The following PPP1R3B variants were observed in gnomAD, a reference collection of about 807,000 sequenced individuals.
The protein encoded by PPP1R3B is PP1 subunit R4.
A neutral mutation model predicts 14.6 loss-of-function variants in PPP1R3B; 8 were observed. The observed-to-expected ratio is 0.55, with a 90% CI of 0.32 to 0.99. The LOEUF (loss-of-function observed/expected upper bound fraction) is 0.99. Among genes scored for constraint, PPP1R3B ranks in the 50% least tolerant of loss-of-function variants. The probability of loss-of-function intolerance (pLI) is 0.04; values close to 1 mark genes in which losing one functional copy is unlikely to be tolerated. For missense variants in PPP1R3B, 452 were observed against 360.1 expected (o/e 1.26, Z -2.07); for synonymous variants, 169 against 142.0 (o/e 1.19, Z -1.35).
Position 9,138,276 on chromosome 8 carries a change from G to A in PPP1R3B, c.*2518C>T, listed in dbSNP as rs913906190. 1.3e-5 allele frequency: 2 copies of A among 152,272 alleles called. No homozygotes were observed. Among genetic ancestry groups the A allele is most frequent in the Non-Finnish European group, 2.9e-5 (2 of 68,020 alleles). The allele number at this position is 152,272 out of a possible 1,614,324, so 9.4% of individuals were successfully genotyped here. A position where few individuals can be genotyped will look rare whatever the true frequency, so the allele number is the denominator to read the frequency against. On this transcript the variant is annotated 3_prime_UTR_variant, in exon 2 of 2. Coordinates refer to ENST00000310455, the MANE Select transcript of PPP1R3B (RefSeq NM_024607.4). ...GATGTCTGGTATGTTTACATAAAACGTGGTTCTGCCCAGTAACAGCATAAG... is the reference window on the plus strand; with the variant it reads ...GATGTCTGGTATGTTTACATAAAACATGGTTCTGCCCAGTAACAGCATAAG...
At chr8:9,147,239 G>T (rs534525495) in intron 1 of PPP1R3B, among the ~76,000 whole-genome samples, 3 of 152,240 alleles carry the variant, frequency 2.0e-5, no homozygotes, top group Admixed American at 2.0e-4. Context: ...CTGACCTCAT[G>T]ATCTGCTCCC....
intron 1 of PPP1R3B, among the ~76,000 whole-genome samples, chr8:9,149,236 C>T (rs1243963845): frequency 1.0e-4 from 15 of 145,678 alleles, no homozygotes; most frequent in African/African-American, 3.6e-4. Context: ...CGTGGTGGCT[C>T]ACGCCTGTAA....
chr8:9,138,251 G>A lies in PPP1R3B; in HGVS notation c.*2543C>T, dbSNP rs2117590047. 1 of 152,272 alleles carries A rather than the reference G, an allele frequency of 6.6e-6. No homozygotes were observed. The highest frequency in any genetic ancestry group is 1.9e-4 in the East Asian group (1 of 5,180). 9.4% of individuals were successfully genotyped at this position (152,272 alleles called of 1,614,324 possible). ...ACATTTAAAGTACTGTCTGTTACCC[G>A]ATGTCTGGTATGTTTACATAAAACG... On this transcript the variant is annotated 3_prime_UTR_variant, in exon 2 of 2. Coordinates refer to ENST00000310455, the MANE Select transcript of PPP1R3B (RefSeq NM_024607.4).
rs530303619 is a variant in PPP1R3B, at chr8:9,141,466, C to A, written c.186G>T (p.Arg62=). 6.2e-7 allele frequency: 1 copy of A among 1,614,162 alleles called. No homozygotes were observed. The highest frequency in any genetic ancestry group is 1.1e-5 in the South Asian group (1 of 91,084). Residue 62 remains arginine (R), a synonymous_variant, in exon 2 of 2, where the codon CGG becomes CGT. Coordinates refer to ENST00000310455, the MANE Select transcript of PPP1R3B (RefSeq NM_024607.4). ...GCCCCTGGTTGTCTGCGAAGGACACCCGCTTTTTCACCTTCTTCTCCTGGA... is the reference window on the plus strand; with the variant it reads ...GCCCCTGGTTGTCTGCGAAGGACACACGCTTTTTCACCTTCTTCTCCTGGA... ...PAVQEKKVKK[R]VSFADNQGLA...
At chr8:9,146,685 C>T (rs777898482) in intron 1 of PPP1R3B, among the ~76,000 whole-genome samples, 5 of 152,138 alleles carry the variant, frequency 3.3e-5, no homozygotes, top group Non-Finnish European at 5.9e-5. Flanking sequence ...TAAAGGATAT[C>T]TGTCTCACTG....
chr8:9,137,457 C>CTACA lies in PPP1R3B; in HGVS notation c.*3333_*3336dup, dbSNP rs1800924317. ...AACCAAGAGCTGTCTGAAGGCAAAT[C>CTACA]TACAAGTCAAGGTGCAGTGAAGTCT... On this transcript the variant is annotated 3_prime_UTR_variant, in exon 2 of 2. Coordinates refer to ENST00000310455, the MANE Select transcript of PPP1R3B (RefSeq NM_024607.4). 6.6e-6 allele frequency: 1 copy of CTACA among 152,180 alleles called. No homozygotes were observed. Among genetic ancestry groups the CTACA allele is most frequent in the African/African-American group, 2.4e-5 (1 of 41,444 alleles). 9.4% of individuals were successfully genotyped at this position (152,180 alleles called of 1,614,324 possible).
intron 1 of PPP1R3B, among the ~76,000 whole-genome samples, chr8:9,146,559 G>A (rs1801247833): frequency 6.6e-6 from 1 of 152,180 alleles, no homozygotes; most frequent in African/African-American, 2.4e-5. Flanking sequence ...CAAAAGTACA[G>A]AACTTCCCTG....
chr8:9,138,472 A>C lies in PPP1R3B; in HGVS notation c.*2322T>G, dbSNP rs1334245078. On this transcript the variant is annotated 3_prime_UTR_variant, in exon 2 of 2. Transcript: ENST00000310455. ...AGCATTTAAAAAGTCAAGGCATCTT[A>C]AACTTCAGAAATGAAAACAAAACCA... The C allele has an allele frequency of 1.3e-5, 2 of 152,270 alleles. No homozygotes were observed. Among genetic ancestry groups the C allele is most frequent in the Admixed American group, 1.3e-4 (2 of 15,290 alleles). The allele number at this position is 152,270 out of a possible 1,614,324, so 9.4% of individuals were successfully genotyped here. A position where few individuals can be genotyped will look rare whatever the true frequency, so the allele number is the denominator to read the frequency against.
intron 1 of PPP1R3B, among the ~76,000 whole-genome samples, chr8:9,148,997 C>G (rs984129075): frequency 2.7e-5 from 4 of 149,002 alleles, no homozygotes; most frequent in African/African-American, 9.9e-5. Flanking sequence ...ACCATCCTGG[C>G]GAACACGGTG....
intron 1 of PPP1R3B, among the ~76,000 whole-genome samples, chr8:9,147,205 C>G (rs1801266509): frequency 6.6e-6 from 1 of 152,116 alleles, no homozygotes; most frequent in South Asian, 2.1e-4. Context: ...CGGGGTTTCA[C>G]CATGTCAGGC....
Position 9,140,875 on chromosome 8 carries a change from G to A in PPP1R3B, c.777C>T (p.Phe259=), listed in dbSNP as rs778319500. 119 of 1,614,128 alleles carry A rather than the reference G, an allele frequency of 7.4e-5. No individual in the cohort carries two copies. Among genetic ancestry groups the A allele is most frequent in the East Asian group, 6.5e-4 (29 of 44,874 alleles). ...GACCATAGGAACACCGAGGGCTTCC[G>A]AACTGGTCAAAGGATATTCCCAAAT... ...GPDLGISFDQ[F]GSPRCSYGLF... Residue 259 remains phenylalanine (F), a synonymous_variant, in exon 2 of 2, where the codon TTC becomes TTT. Coordinates refer to ENST00000310455, the MANE Select transcript of PPP1R3B (RefSeq NM_024607.4).
chr8:9,149,084 T>C lies in PPP1R3B; in HGVS notation c.-18+1479A>G, dbSNP rs530433313. 2.0e-5 allele frequency among the ~76,000 whole-genome samples: 3 copies of C among 146,704 alleles called. No homozygotes were observed. In the South Asian group the frequency reaches 6.4e-4, roughly 31 times the overall value. On this transcript the variant is annotated intron_variant, in intron 1 of 1. Transcript: ENST00000310455. ...GGCGGGCGCCTGTAGTCCCAGCTAC[T>C]CAGGAGGCCGAGGCAGGAGAATGGC...
Position 9,140,946 on chromosome 8 carries a change from C to T in PPP1R3B, c.706G>A (p.Glu236Lys), listed in dbSNP as rs1445151954. ...GTCATTCCCTGGGTAGATTTTAACT[C>T]AGCCCGGATGATCCTATAGTTCTTG... The part of the protein sequence containing the change: ...RGKNYRIIRA[E>K]LKSTQGMTKP... The change falls in exon 2 of 2, where the codon GAG (glutamate) becomes AAG (lysine). Residue 236 changes from glutamate (E) to lysine (K), a missense_variant. By Grantham distance (56) the Glu-to-Lys change is moderately conservative (BLOSUM62 1). Transcript: ENST00000310455. 4.3e-6 allele frequency: 7 copies of T among 1,614,222 alleles called. No homozygotes were observed. The highest frequency in any genetic ancestry group is 5.9e-6 in the Non-Finnish European group (7 of 1,180,016).
At chr8:9,149,763 C>A (rs330929) in intron 1 of PPP1R3B, among the ~76,000 whole-genome samples, 51,164 of 152,172 alleles carry the variant, frequency 0.34, 9,884 homozygotes, top group East Asian at 0.8. Flanking sequence ...CTTAAAGGCT[C>A]CTTGTACCCC....
At chr8:9,142,567 T>A (rs1725508744) in intron 1 of PPP1R3B, among the ~76,000 whole-genome samples, 1 of 152,104 alleles carries the variant, frequency 6.6e-6, no homozygotes, top group South Asian at 2.1e-4. Context: ...ATATAACATA[T>A]CATTACCAAG....
rs13268006 is a variant in PPP1R3B at position 9,148,654 on chromosome 8, T to A, written c.-18+1909A>T. Among the ~76,000 whole-genome samples, 384 of 152,310 alleles carry A rather than the reference T, an allele frequency of 2.5e-3. 1 individual carries two copies. Among genetic ancestry groups the A allele is most frequent in the Admixed American group, 8.3e-3 (127 of 15,308 alleles). ...AACAGATCATGGAGATAGTTTTGCA[T>A]AAATGCTTTATCTGTTCCACTCATA... is the stretch of plus-strand genomic sequence containing the variant. On this transcript the variant is annotated intron_variant, in intron 1 of 1. Coordinates refer to ENST00000310455, the MANE Select transcript of PPP1R3B (RefSeq NM_024607.4).
At chr8:9,141,764 AATATTT>A in intron 1 of PPP1R3B, 96 bp from the exon 2 acceptor site, 5 of 1,227,108 alleles carry the variant, frequency 4.1e-6, no homozygotes, top group South Asian at 3.1e-5. Context: ...ACTGGCAAAC[AATATTT>A]CCTTTTATCT....
At chr8:9,147,874 A>G (rs1390174316) in intron 1 of PPP1R3B, among the ~76,000 whole-genome samples, 3 of 152,152 alleles carry the variant, frequency 2.0e-5, no homozygotes, top group Non-Finnish European at 2.9e-5. Context: ...TGATGGCTCA[A>G]GAGTTACCCG....
In PPP1R3B at chr8:9,140,409, G is replaced by A. The variant is rs1488002343; in HGVS notation, c.*385C>T. The A allele has an allele frequency of 7.9e-6, 2 of 253,656 alleles. No homozygotes were observed. Among genetic ancestry groups the A allele is most frequent in the Non-Finnish European group, 1.5e-5 (2 of 129,738 alleles). 15.7% of individuals were successfully genotyped at this position (253,656 alleles called of 1,614,324 possible). ...GAACAGTGAGGGTCTCACGCGAGGT[G>A]GCTGGGGCTGAGTGGCTTTTGGCGA... On this transcript the variant is annotated 3_prime_UTR_variant, in exon 2 of 2. Coordinates refer to ENST00000310455, the MANE Select transcript of PPP1R3B (RefSeq NM_024607.4).
Sources: allele counts gnomAD v4.1 joint callset (sites outside exome capture counted in the v4.1 genomes callset), GRCh38; gene constraint gnomAD v4.1.1; transcripts MANE v1.5; gene names NCBI Gene and HGNC (gene_info 2026-07-23, HGNC 2026-07-21).